ELMOD2: variants seen among roughly 807,000 people sequenced by gnomAD.
ELMOD2 encodes ELMO domain containing 2.
In ELMOD2, 28 loss-of-function variants were observed where a neutral mutation model predicts 41.0. The observed-to-expected ratio is 0.68, with a 90% confidence interval of 0.51 to 0.94. The LOEUF (loss-of-function observed/expected upper bound fraction) is 0.94. Ranked by LOEUF, ELMOD2 falls within the 40% of genes least tolerant of loss-of-function variation. The probability of loss-of-function intolerance (pLI) is 0.00; values close to 1 mark genes in which losing one functional copy is unlikely to be tolerated. For synonymous variants in ELMOD2, 106 were observed against 107.2 expected (o/e 0.99, Z 0.07); for missense variants, 333 against 343.1 (o/e 0.97, Z 0.23).
Position 140,527,453 on chromosome 4 carries a change from T to G in ELMOD2, c.143-13T>G. The G allele has an allele frequency of 6.3e-7, 1 of 1,577,974 alleles. No individual in the cohort carries two copies. Among genetic ancestry groups the G allele is most frequent in the Non-Finnish European group, 8.6e-7 (1 of 1,161,520 alleles). On this transcript the variant is annotated splice_polypyrimidine_tract_variant and intron_variant, in intron 2 of 8. Coordinates refer to ENST00000323570, the MANE Select transcript of ELMOD2 (RefSeq NM_153702.4). ...TAAGTGATAACATCTTTTTTTTTTT[T>G]TTGTCATTTCAGAAAATTCCTTGAC...
intron 5 of ELMOD2, among the ~76,000 whole-genome samples, chr4:140,538,361 A>G (rs1734996402): frequency 6.6e-6 from 1 of 152,214 alleles, no homozygotes; most frequent in Non-Finnish European, 1.5e-5. Context: ...TTATAACAAA[A>G]AGTACTGTGG....
intron 8 of ELMOD2, among the ~76,000 whole-genome samples, chr4:140,543,835 A>T (rs1400388357): frequency 6.6e-6 from 1 of 152,144 alleles, no homozygotes; most frequent in African/African-American, 2.4e-5. Context: ...TCTAAGATTC[A>T]TGTAATTTTT....
At chr4:140,526,260 T>C (rs989842898) in intron 2 of ELMOD2, among the ~76,000 whole-genome samples, 1 of 152,266 alleles carries the variant, frequency 6.6e-6, no homozygotes, top group African/African-American at 2.4e-5. Flanking sequence ...CTTTTTACTT[T>C]AATGTGGCTA....
rs1578754523 is a variant in ELMOD2 at position 140,527,365 on chromosome 4, A to C, written c.143-101A>C. 9.1e-6 allele frequency: 8 copies of C among 876,730 alleles called. No homozygotes were observed. In the East Asian group the frequency reaches 2.0e-4, roughly 22 times the overall value. The allele number at this position is 876,730 out of a possible 1,614,324, so 54.3% of individuals were successfully genotyped here. On this transcript the variant is annotated intron_variant, in intron 2 of 8. Coordinates refer to ENST00000323570, the MANE Select transcript of ELMOD2 (RefSeq NM_153702.4). Reference sequence around the variant, plus strand: ...AGAAATTATATCTCCTGGAACTATTAGTTTGTTACTGGTTTGATATTTTTA... The same window carrying C: ...AGAAATTATATCTCCTGGAACTATTCGTTTGTTACTGGTTTGATATTTTTA...
At chr4:140,542,739 A>G in intron 7 of ELMOD2, 97 bp downstream of exon 7, 3 of 951,316 alleles carry the variant, frequency 3.2e-6, no homozygotes, top group African/African-American at 1.7e-5. Context: ...TTCTTAAAAT[A>G]AAGTATTTTA....
At chr4:140,538,926 T>C (rs1457402854) in intron 5 of ELMOD2, among the ~76,000 whole-genome samples, 1 of 152,226 alleles carries the variant, frequency 6.6e-6, no homozygotes, top group Non-Finnish European at 1.5e-5. Context: ...GGTTCTACAC[T>C]GTGGCTCTCA....
At chr4:140,537,341 AACC>A in intron 4 of ELMOD2, 68 bp from the exon 5 acceptor site, 1 of 1,315,752 alleles carries the variant, frequency 7.6e-7, no homozygotes, top group Admixed American at 3.6e-5. Flanking sequence ...TAGACATATG[AACC>A]ACAAGCTATG....
chr4:140,539,343 A>G (rs1457121722), intron 5 of ELMOD2, among the ~76,000 whole-genome samples: 1 of 150,252 alleles, frequency 6.7e-6, no homozygotes, highest in Non-Finnish European at 1.5e-5. Flanking sequence ...GGTATGTAAT[A>G]TTTGATAGTT....
At position 140,540,320 on chromosome 4, in the gene ELMOD2, T is replaced by C. The variant is rs1010988243; in HGVS notation, c.533+19T>C. 6.2e-6 allele frequency: 10 copies of C among 1,610,160 alleles called. No individual in the cohort carries two copies. The highest frequency in any genetic ancestry group is 8.5e-6 in the Non-Finnish European group (10 of 1,178,426). The stretch of plus-strand genomic sequence containing the variant: ...ATCTTGTGTAAGTGAAAGTAAACTT[T>C]CTTTTCTTCCCTAAATGAAATTACA... On this transcript the variant is annotated intron_variant, in intron 6 of 8. Transcript: ENST00000323570.
chr4:140,545,166 G>GT lies in ELMOD2; in HGVS notation c.736+1586dup, dbSNP rs555914898. 8.5e-5 allele frequency among the ~76,000 whole-genome samples: 13 copies of GT among 152,178 alleles called. No individual in the cohort carries two copies. The South Asian group carries it at 1.9e-3, about 22-fold the overall frequency. On this transcript the variant is annotated intron_variant, in intron 8 of 8. Transcript: ENST00000323570. Reference sequence around the variant, plus strand: ...TTTTGCCGCCTAATACAATCGCCATGTTTTTTCTTCATGTTATTTGATCCT... The same window carrying GT: ...TTTTGCCGCCTAATACAATCGCCATGTTTTTTTCTTCATGTTATTTGATCCT...
intron 5 of ELMOD2, among the ~76,000 whole-genome samples, chr4:140,537,976 T>C (rs1161542503): frequency 6.6e-6 from 1 of 152,094 alleles, no homozygotes; most frequent in Non-Finnish European, 1.5e-5. Flanking sequence ...TCAGATTATT[T>C]TGTCCAATCT....
chr4:140,529,225 A>G (rs1022829024), intron 3 of ELMOD2, among the ~76,000 whole-genome samples: 1 of 152,178 alleles, frequency 6.6e-6, no homozygotes, highest in Non-Finnish European at 1.5e-5. Context: ...CACTAATAGC[A>G]TATTAGTATG....
At chr4:140,548,170 A>AT (rs891707050) in intron 8 of ELMOD2, among the ~76,000 whole-genome samples, 6 of 152,314 alleles carry the variant, frequency 3.9e-5, no homozygotes, top group African/African-American at 1.4e-4. Flanking sequence ...ACTGACAGTA[A>AT]TGAAAAAGCA....
intron 8 of ELMOD2, among the ~76,000 whole-genome samples, chr4:140,549,599 A>G (rs1206454476): frequency 6.7e-6 from 1 of 150,096 alleles, no homozygotes; most frequent in East Asian, 2.0e-4. Context: ...ACCTTATCCA[A>G]CATTTTTTCG....
intron 8 of ELMOD2, among the ~76,000 whole-genome samples, chr4:140,549,886 A>G (rs1009216912): frequency 6.6e-6 from 1 of 151,666 alleles, no homozygotes; most frequent in African/African-American, 2.4e-5. Flanking sequence ...GGGTTTCACC[A>G]TGTTGCCCAG....
At chr4:140,539,597 C>T (rs12500802) in intron 5 of ELMOD2, among the ~76,000 whole-genome samples, 9,839 of 152,218 alleles carry the variant, frequency 0.065, 373 homozygotes, top group South Asian at 0.11. Flanking sequence ...CCACCTGCCT[C>T]GGCCTCCCAA....
At chr4:140,540,374 A>T in intron 6 of ELMOD2, 73 bp downstream of exon 6, 7 of 1,522,408 alleles carry the variant, frequency 4.6e-6, no homozygotes, top group Non-Finnish European at 3.6e-6. Context: ...TACTTCTAAT[A>T]AGAAGTGATC....
At chr4:140,524,880 A>G (rs2110808365) in intron 1 of ELMOD2, 1 of 153,744 alleles carries the variant, frequency 6.5e-6, no homozygotes, top group South Asian at 2.1e-4. Context: ...GAATGAGCTA[A>G]GGTGTTATAT....
At chr4:140,529,869 C>T (rs1267873503) in intron 3 of ELMOD2, among the ~76,000 whole-genome samples, 6 of 152,056 alleles carry the variant, frequency 3.9e-5, no homozygotes, top group Non-Finnish European at 8.8e-5. Context: ...TAGCACAGAC[C>T]ATCACTAGCG....
Sources: gnomAD v4.1 joint callset for allele counts (sites outside exome capture counted in the v4.1 genomes callset) on GRCh38, gnomAD v4.1.1 for gene constraint, MANE v1.5 for transcripts, NCBI Gene and HGNC (gene_info 2026-07-23, HGNC 2026-07-21) for gene names.